Variants in C1orf21 observed in about 807,000 individuals in gnomAD.
C1orf21 encodes the protein uncharacterized protein C1orf21.
A neutral mutation model predicts 18.7 loss-of-function variants in C1orf21; 3 were observed. That is an observed-to-expected ratio of 0.16 (90% CI 0.07 to 0.42). The LOEUF is 0.42. Ranked by LOEUF, C1orf21 falls within the 10% of genes least tolerant of loss-of-function variation. The probability of loss-of-function intolerance (pLI) is 0.99; values close to 1 mark genes in which losing one functional copy is unlikely to be tolerated. For synonymous variants in C1orf21, 41 were observed against 46.4 expected (o/e 0.88, Z 0.47); for missense variants, 104 against 143.6 (o/e 0.72, Z 1.41).
chr1:184,579,026 C>T (rs1436449627), intron 3 of C1orf21, among the ~76,000 whole-genome samples: 4 of 142,654 alleles, frequency 2.8e-5, no homozygotes, highest in Admixed American at 2.8e-4. Context: ...AACTGAGCGT[C>T]TTGGGTGCCC....
At chr1:184,610,377 A>G (rs1408711236) in intron 5 of C1orf21, among the ~76,000 whole-genome samples, 1 of 152,226 alleles carries the variant, frequency 6.6e-6, no homozygotes, top group African/African-American at 2.4e-5. Flanking sequence ...CCCTTCCCAG[A>G]GGAAGTTTGC....
intron 2 of C1orf21, among the ~76,000 whole-genome samples, chr1:184,498,602 G>A (rs1375284344): frequency 6.6e-6 from 1 of 152,116 alleles, no homozygotes; most frequent in Non-Finnish European, 1.5e-5. Flanking sequence ...TCATGTTTTA[G>A]GTCCTCCTGA....
chr1:184,441,679 C>T (rs1387993072), intron 1 of C1orf21, among the ~76,000 whole-genome samples: 1 of 152,150 alleles, frequency 6.6e-6, no homozygotes, highest in Non-Finnish European at 1.5e-5. Context: ...TAATCCTAAC[C>T]ACTGTGTTTA....
rs1233782264 is a variant in C1orf21 at position 184,628,852 on chromosome 1, A to T, written c.*9296A>T. The T allele has an allele frequency of 6.6e-6, 1 of 152,564 alleles. No individual in the cohort carries two copies. The highest frequency in any genetic ancestry group is 1.5e-5 in the Non-Finnish European group (1 of 68,024). 9.5% of individuals were successfully genotyped at this position (152,564 alleles called of 1,614,324 possible). A position where few individuals can be genotyped will look rare whatever the true frequency, so the allele number is the denominator to read the frequency against. ...GTAGCAGTGGGCCCATGTCGCTTGAATATTATTTTTGATTTGACCACCAAG... is the reference window on the plus strand; with the variant it reads ...GTAGCAGTGGGCCCATGTCGCTTGATTATTATTTTTGATTTGACCACCAAG... On this transcript the variant is annotated 3_prime_UTR_variant, in exon 6 of 6. Transcript: ENST00000235307.
At chr1:184,427,133 C>G (rs1656655126) in intron 1 of C1orf21, among the ~76,000 whole-genome samples, 1 of 152,112 alleles carries the variant, frequency 6.6e-6, no homozygotes, top group South Asian at 2.1e-4. Flanking sequence ...AATCTTGACA[C>G]CCTAAGTGGA....
At chr1:184,597,475 T>C (rs1319968545) in intron 4 of C1orf21, among the ~76,000 whole-genome samples, 1 of 152,110 alleles carries the variant, frequency 6.6e-6, no homozygotes, top group Non-Finnish European at 1.5e-5. Flanking sequence ...CACTTGGATA[T>C]GAAGGGAAGA....
At chr1:184,451,372 C>T (rs557369904) in intron 1 of C1orf21, among the ~76,000 whole-genome samples, 61 of 152,136 alleles carry the variant, frequency 4.0e-4, no homozygotes, top group African/African-American at 1.4e-3. Flanking sequence ...CTCACTGAAG[C>T]CCCGACCTCC....
At chr1:184,458,527 C>T (rs1314654603) in intron 1 of C1orf21, among the ~76,000 whole-genome samples, 1 of 152,114 alleles carries the variant, frequency 6.6e-6, no homozygotes, top group Non-Finnish European at 1.5e-5. Flanking sequence ...ATATATTATA[C>T]CTGGCACATG....
chr1:184,461,706 C>A (rs1657309428), intron 1 of C1orf21, among the ~76,000 whole-genome samples: 1 of 152,104 alleles, frequency 6.6e-6, no homozygotes, highest in African/African-American at 2.4e-5. Context: ...CTGTTTTATT[C>A]CGATTTGATT....
chr1:184,560,896 A>C (rs1360456644), intron 3 of C1orf21, among the ~76,000 whole-genome samples: 3 of 152,234 alleles, frequency 2.0e-5, no homozygotes, highest in African/African-American at 7.2e-5. Context: ...TGTTTTAATG[A>C]ATCAATAGGA....
intron 5 of C1orf21, among the ~76,000 whole-genome samples, chr1:184,617,253 A>G (rs569131962): frequency 4.6e-5 from 7 of 152,278 alleles, no homozygotes; most frequent in African/African-American, 1.7e-4. Context: ...AACAGTGTAT[A>G]TGTACATATA....
intron 3 of C1orf21, among the ~76,000 whole-genome samples, chr1:184,510,461 T>C (rs1255687410): frequency 6.6e-6 from 1 of 152,194 alleles, no homozygotes; most frequent in African/African-American, 2.4e-5. Flanking sequence ...GAGCTGCAGC[T>C]ATTCAAAGGA....
At chr1:184,498,536 A>G (rs1454063015) in intron 2 of C1orf21, among the ~76,000 whole-genome samples, 1 of 152,212 alleles carries the variant, frequency 6.6e-6, no homozygotes, top group Non-Finnish European at 1.5e-5. Flanking sequence ...GATGGCAGTG[A>G]AGAAGTAACT....
At chr1:184,450,505 T>C (rs16823167) in intron 1 of C1orf21, among the ~76,000 whole-genome samples, 2,088 of 152,268 alleles carry the variant, frequency 0.014, 43 homozygotes, top group African/African-American at 0.048. Flanking sequence ...AGCTTTATGA[T>C]GACAGGTAGC....
intron 1 of C1orf21, among the ~76,000 whole-genome samples, chr1:184,390,249 G>A (rs1397777650): frequency 6.6e-6 from 1 of 152,104 alleles, no homozygotes; most frequent in African/African-American, 2.4e-5. Flanking sequence ...GCTCATTTCA[G>A]GTGATTTAAA....
At chr1:184,460,620 G>T (rs77880701) in intron 1 of C1orf21, among the ~76,000 whole-genome samples, 3,622 of 111,896 alleles carry the variant, frequency 0.032, 219 homozygotes, top group African/African-American at 0.13. Flanking sequence ...TGTCGTCGTC[G>T]TCTTCTTCTT....
At chr1:184,420,196 G>A (rs1463563861) in intron 1 of C1orf21, among the ~76,000 whole-genome samples, 1 of 151,488 alleles carries the variant, frequency 6.6e-6, no homozygotes, top group Admixed American at 6.6e-5. Context: ...TTTAGGTTGT[G>A]CAAGAAGAAA....
At chr1:184,463,282 A>G (rs759378730) in intron 1 of C1orf21, among the ~76,000 whole-genome samples, 2 of 151,910 alleles carry the variant, frequency 1.3e-5, no homozygotes, top group African/African-American at 4.8e-5. Context: ...AGTCTAGGGT[A>G]TATCTTTTTC....
At chr1:184,412,678 C>T (rs915699256) in intron 1 of C1orf21, among the ~76,000 whole-genome samples, 5 of 152,088 alleles carry the variant, frequency 3.3e-5, no homozygotes, top group South Asian at 2.1e-4. Context: ...CATGGTGGCA[C>T]ACACCTGTCA....
Sources: allele counts gnomAD v4.1 joint callset (sites outside exome capture counted in the v4.1 genomes callset), GRCh38; gene constraint gnomAD v4.1.1; transcripts MANE v1.5; gene names NCBI Gene and HGNC (gene_info 2026-07-23, HGNC 2026-07-21).